ZNF532: variants seen among roughly 807,000 people sequenced by gnomAD.
ZNF532 encodes the protein zinc finger protein 532.
ZNF532 carries 22 observed loss-of-function variants against 89.3 expected under a neutral mutation model. That is an observed-to-expected ratio of 0.25 (90% CI 0.18 to 0.35). The LOEUF is 0.35. ZNF532 is among the 10% of genes least tolerant of loss of function. ZNF532 has a pLI of 1.00. For synonymous variants in ZNF532, 606 were observed against 649.6 expected (o/e 0.93, Z 1.02); for missense variants, 1,132 against 1,643.4 (o/e 0.69, Z 5.38).
At chr18:58,888,886 AT>A (rs1568248956) in intron 2 of ZNF532, among the ~76,000 whole-genome samples, 2 of 51,692 alleles carry the variant, frequency 3.9e-5, no homozygotes, top group Admixed American at 3.2e-4. Context: ...TTATATATAT[AT>A]ATTTTATATA....
At chr18:58,874,053 C>CT (rs2057224134) in intron 2 of ZNF532, among the ~76,000 whole-genome samples, 1 of 152,072 alleles carries the variant, frequency 6.6e-6, no homozygotes, top group Non-Finnish European at 1.5e-5. Flanking sequence ...GTTTTGTGGT[C>CT]TTTGGTCTCT....
chr18:58,875,071 GAAAA>G (rs892693492), intron 2 of ZNF532, among the ~76,000 whole-genome samples: 17 of 151,358 alleles, frequency 1.1e-4, no homozygotes, highest in Admixed American at 1.1e-3. Context: ...AAGATGTAAT[GAAAA>G]AAAACAGAAT....
intron 2 of ZNF532, among the ~76,000 whole-genome samples, chr18:58,880,766 G>GT: frequency 6.9e-6 from 1 of 144,708 alleles, no homozygotes; most frequent in South Asian, 2.2e-4. Context: ...GCGCGCACGC[G>GT]CGCGCGTCTG....
intron 2 of ZNF532, among the ~76,000 whole-genome samples, chr18:58,902,498 T>C (rs2059667447): frequency 6.6e-6 from 1 of 151,150 alleles, no homozygotes; most frequent in South Asian, 2.1e-4. Flanking sequence ...TCTCCTTCTT[T>C]TTTTTTTTTT....
At chr18:58,907,470 T>C (rs947725144) in intron 2 of ZNF532, among the ~76,000 whole-genome samples, 1 of 151,968 alleles carries the variant, frequency 6.6e-6, no homozygotes, top group Non-Finnish European at 1.5e-5. Flanking sequence ...ATTAGAGGTG[T>C]GAGCCACTGC....
Position 58,984,131 on chromosome 18 carries a change from G to A in ZNF532, c.3571G>A (p.Glu1191Lys), listed in dbSNP as rs756601511. 2.5e-6 allele frequency: 4 copies of A among 1,611,812 alleles called. No individual in the cohort carries two copies. Among genetic ancestry groups the A allele is most frequent in the Non-Finnish European group, 3.4e-6 (4 of 1,179,822 alleles). The change falls in exon 10 of 10, where the codon GAA becomes AAA. Residue 1191 changes from glutamate to lysine, a missense_variant. Glu to Lys is a moderately conservative substitution (Grantham distance 56, BLOSUM62 1). This residue lies in a region of ZNF532 where 415 missense variants were observed against 604.8 expected (regional missense o/e 0.69). Coordinates refer to ENST00000591808, the MANE Select transcript of ZNF532 (RefSeq NM_001375912.1). ...CACCGAAAACCTGCTGCAATTCCACGAACACATCCCTCAGCACAAATCGGA... is the reference window on the plus strand; with the variant it reads ...CACCGAAAACCTGCTGCAATTCCACAAACACATCCCTCAGCACAAATCGGA... The part of the protein sequence containing the change: ...FTTENLLQFH[E>K]HIPQHKSDGS...
At chr18:58,967,827 C>T (rs1178585525) in intron 7 of ZNF532, among the ~76,000 whole-genome samples, 4 of 152,164 alleles carry the variant, frequency 2.6e-5, no homozygotes, top group Admixed American at 6.5e-5. Context: ...TCTACCTTGC[C>T]GCATGGCAGT....
At chr18:58,869,319 T>C (rs2056768294) in intron 2 of ZNF532, among the ~76,000 whole-genome samples, 1 of 152,126 alleles carries the variant, frequency 6.6e-6, no homozygotes, top group Non-Finnish European at 1.5e-5. Context: ...ACACGAGAGA[T>C]GATCATGATA....
chr18:58,888,887 TATTTTATATATA>T lies in ZNF532; in HGVS notation c.-18+23309_-18+23320del, dbSNP rs1568249038. Reference sequence around the variant, plus strand: ...ATATATAATATATATTATATATATATATTTTATATATATATATATATATATAATTCATACAGG... The same window carrying T: ...ATATATAATATATATTATATATATATTATATATATATATAATTCATACAGG... On this transcript the variant is annotated intron_variant, in intron 2 of 9. Coordinates refer to ENST00000591808, the MANE Select transcript of ZNF532 (RefSeq NM_001375912.1). Among the ~76,000 whole-genome samples, 24 of 52,442 alleles carry T rather than the reference TATTTTATATATA, an allele frequency of 4.6e-4. 1 individual carries two copies. Among genetic ancestry groups the T allele is most frequent in the African/African-American group, 2.2e-3 (24 of 10,850 alleles). The allele number at this position is 52,442 out of a possible 152,430, so 34.4% of individuals were successfully genotyped here.
chr18:58,940,958 ACTCTTTCT>A (rs1263777906), intron 5 of ZNF532, among the ~76,000 whole-genome samples: 3 of 131,706 alleles, frequency 2.3e-5, no homozygotes, highest in Admixed American at 7.7e-5. Context: ...ACACACACAC[ACTCTTTCT>A]CTCTCTCTCT....
intron 2 of ZNF532, among the ~76,000 whole-genome samples, chr18:58,885,341 A>G (rs771376009): frequency 1.3e-5 from 2 of 152,154 alleles, no homozygotes; most frequent in African/African-American, 2.4e-5. Context: ...TAGCCAGTGG[A>G]AAACAGAGCT....
chr18:58,984,451 C>T lies in ZNF532; in HGVS notation c.3891C>T (p.Ser1297=), dbSNP rs1303982068. 6.2e-7 allele frequency: 1 copy of T among 1,608,184 alleles called. No individual in the cohort carries two copies. Among genetic ancestry groups the T allele is most frequent in the Non-Finnish European group, 8.5e-7 (1 of 1,176,776 alleles). The change falls in exon 10 of 10, where the codon AGC becomes AGT. Residue 1297 remains serine, a synonymous_variant. Transcript: ENST00000591808. ...CCTTCATCAAATCCAAAAGGATGAG[C>T]TCAGCCGAGAAATAGCCACAGATGC... The part of the protein sequence containing the change: ...GMAFIKSKRM[S]SAEK
intron 7 of ZNF532, 68 bp downstream of exon 7, chr18:58,953,867 A>G (rs1413746418): frequency 1.3e-6 from 2 of 1,532,268 alleles, no homozygotes; most frequent in Non-Finnish European, 1.8e-6. Context: ...AGCTTCCAAG[A>G]TGTGGGCTCT....
At chr18:58,926,233 C>T (rs2061509246) in intron 3 of ZNF532, 1 of 152,166 alleles carries the variant, frequency 6.6e-6, no homozygotes, top group African/African-American at 2.4e-5. Context: ...ATAGATTCAT[C>T]ATTTATTTAT....
At chr18:58,941,864 CTTTT>C (rs1291204347) in intron 5 of ZNF532, among the ~76,000 whole-genome samples, 1 of 139,284 alleles carries the variant, frequency 7.2e-6, no homozygotes, top group East Asian at 2.0e-4. Flanking sequence ...CTCTTTCTTT[CTTTT>C]CTTTCTTTCC....
In ZNF532 at chr18:58,888,799, TTA is replaced by T. The variant is rs1171793271; in HGVS notation, c.-18+23229_-18+23230del. Among the ~76,000 whole-genome samples the T allele has an allele frequency of 6.6e-4, 31 of 47,216 alleles. 1 individual carries two copies. Among genetic ancestry groups the T allele is most frequent in the African/African-American group, 2.2e-3 (18 of 8,096 alleles). 31.0% of individuals were successfully genotyped at this position (47,216 alleles called of 152,430 possible). A position where few individuals can be genotyped will look rare whatever the true frequency, so the allele number is the denominator to read the frequency against. ...TATATATATATAAAATATATATAAT[TTA>T]TATATATAAAAAATTATATATATAA... On this transcript the variant is annotated intron_variant, in intron 2 of 9. Transcript: ENST00000591808.
At chr18:58,934,980 C>T (rs1337360043) in intron 4 of ZNF532, among the ~76,000 whole-genome samples, 5 of 152,070 alleles carry the variant, frequency 3.3e-5, no homozygotes, top group Non-Finnish European at 5.9e-5. Flanking sequence ...TTAATATTTC[C>T]CCTTCTCTAA....
chr18:58,951,787 C>T (rs1397699973), intron 6 of ZNF532, among the ~76,000 whole-genome samples: 1 of 151,722 alleles, frequency 6.6e-6, no homozygotes, highest in African/African-American at 2.4e-5. Context: ...GTAGATGGGA[C>T]TACAGGCACC....
intron 2 of ZNF532, among the ~76,000 whole-genome samples, chr18:58,881,128 G>A (rs2057891069): frequency 6.7e-6 from 1 of 150,310 alleles, no homozygotes; most frequent in Non-Finnish European, 1.5e-5. Flanking sequence ...TTGAGACAGA[G>A]TCTCGCTCTG....
Sources: allele counts gnomAD v4.1 joint callset (sites outside exome capture counted in the v4.1 genomes callset), GRCh38; gene constraint gnomAD v4.1.1; regional missense constraint gnomAD v4.1.1; transcripts MANE v1.5; gene names NCBI Gene and HGNC (gene_info 2026-07-23, HGNC 2026-07-21).